HSD17B7: variants seen among roughly 807,000 people sequenced by gnomAD.
HSD17B7 encodes hydroxysteroid 17-beta dehydrogenase 7.
Under a neutral mutation model 34.1 loss-of-function variants are expected in HSD17B7, and 17 were observed. That is an observed-to-expected ratio of 0.50 (90% CI 0.34 to 0.75). The LOEUF is 0.75. Among genes scored for constraint, HSD17B7 ranks in the 30% least tolerant of loss-of-function variants. HSD17B7 has a pLI of 0.01. For missense variants in HSD17B7, 296 were observed against 406.6 expected, an observed-to-expected ratio of 0.73 and a Z score of 2.34; for synonymous variants, 122 against 154.6, an observed-to-expected ratio of 0.79 and a Z score of 1.56.
intron 2 of HSD17B7, among the ~76,000 whole-genome samples, chr1:162,794,935 T>C (rs575770607): frequency 6.6e-6 from 1 of 152,210 alleles, no homozygotes; most frequent in South Asian, 2.1e-4. Flanking sequence ...GCAGTGAGGC[T>C]GTGGGGCAGA....
intron 4 of HSD17B7, 132 bp downstream of exon 4, chr1:162,798,048 A>G: frequency 7.2e-7 from 1 of 1,389,504 alleles, no homozygotes; most frequent in Non-Finnish European, 9.4e-7. Flanking sequence ...TCTTGATTGC[A>G]TTTGCCTTGT....
chr1:162,808,930 T>C (rs1186916221), intron 8 of HSD17B7, among the ~76,000 whole-genome samples: 1 of 152,196 alleles, frequency 6.6e-6, no homozygotes, highest in Non-Finnish European at 1.5e-5. Context: ...ACAATTTGAC[T>C]TCCTTTTTTC....
intron 2 of HSD17B7, among the ~76,000 whole-genome samples, chr1:162,794,318 T>G (rs1303006976): frequency 6.6e-6 from 1 of 152,130 alleles, no homozygotes; most frequent in Non-Finnish European, 1.5e-5. Flanking sequence ...TTGATAATCA[T>G]TTGCATTTGC....
chr1:162,810,459 A>G (rs918840925), intron 8 of HSD17B7, among the ~76,000 whole-genome samples: 9 of 152,228 alleles, frequency 5.9e-5, no homozygotes, highest in Non-Finnish European at 8.8e-5. Flanking sequence ...GTAGATGTCT[A>G]TTAGGTCTGA....
intron 3 of HSD17B7, 103 bp downstream of exon 3, chr1:162,796,780 T>C: frequency 2.7e-6 from 2 of 749,990 alleles, no homozygotes; most frequent in Non-Finnish European, 4.8e-6. Flanking sequence ...TAAGGGGTTG[T>C]TGAAAAGGTT....
At position 162,792,694 on chromosome 1, in the gene HSD17B7, C is replaced by T. The variant is rs373109770; in HGVS notation, c.71C>T (p.Ala24Val). Residue 24 changes from alanine to valine, a missense_variant, in exon 2 of 9, where the codon GCG becomes GTG. Coordinates refer to ENST00000254521, the MANE Select transcript of HSD17B7 (RefSeq NM_016371.4). Reference protein sequence around the residue: ...IGLALCKRLLAEDDELHLCLA... With the variant: ...IGLALCKRLLVEDDELHLCLA... ...CTGGCCCTCTGCAAGCGGCTGCTGG[C>T]GGAAGATGATGAGCTTCATCTGTGT... is the stretch of plus-strand genomic sequence containing the variant. 1.6e-4 allele frequency: 258 copies of T among 1,613,768 alleles called. No individual in the cohort carries two copies. Among genetic ancestry groups the T allele is most frequent in the Non-Finnish European group, 2.1e-4 (243 of 1,179,892 alleles).
At chr1:162,808,781 G>A (rs1465260872) in intron 8 of HSD17B7, among the ~76,000 whole-genome samples, 1 of 152,124 alleles carries the variant, frequency 6.6e-6, no homozygotes, top group East Asian at 1.9e-4. Context: ...TCTGTTATTG[G>A]TGTATAAGAA....
Position 162,799,857 on chromosome 1 carries a change from A to G in HSD17B7, c.562A>G (p.Lys188Glu). The G allele has an allele frequency of 1.9e-6, 3 of 1,614,128 alleles. No homozygotes were observed. The highest frequency in any genetic ancestry group is 2.5e-6 in the Non-Finnish European group (3 of 1,179,982). The change falls in exon 5 of 9, where the codon AAA becomes GAA. Residue 188 changes from lysine (K) to glutamate (E), a missense_variant. By Grantham distance (56) the Lys-to-Glu change is moderately conservative (BLOSUM62 1). Transcript: ENST00000254521. Reference protein sequence around the residue: ...NFSLEDFQHSKGKEPYSSSKY... With the variant: ...NFSLEDFQHSEGKEPYSSSKY... ...CAGCCTCGAGGACTTCCAGCACAGC[A>G]AAGGCAAGGAACCCTACAGCTCTTC...
intron 2 of HSD17B7, among the ~76,000 whole-genome samples, chr1:162,795,247 G>A (rs1648565105): frequency 6.6e-6 from 1 of 152,156 alleles, no homozygotes; most frequent in African/African-American, 2.4e-5. Context: ...GGCTCAAGTA[G>A]CACCATCCCT....
intron 8 of HSD17B7, among the ~76,000 whole-genome samples, chr1:162,806,827 A>G (rs1648994796): frequency 6.6e-6 from 1 of 152,210 alleles, no homozygotes; most frequent in African/African-American, 2.4e-5. Flanking sequence ...TGAAGAAAGT[A>G]TTTTAACCTT....
intron 1 of HSD17B7, among the ~76,000 whole-genome samples, chr1:162,792,132 A>G (rs775270788): frequency 1.6e-4 from 24 of 152,162 alleles, no homozygotes; most frequent in Non-Finnish European, 3.2e-4. Flanking sequence ...ACATCCTGCC[A>G]TGTTACTGAT....
chr1:162,793,029 TTC>T, intron 2 of HSD17B7, 167 bp downstream of exon 2: 2 of 471,390 alleles, frequency 4.2e-6, no homozygotes, highest in Admixed American at 5.1e-5. Flanking sequence ...CACGTTTTCT[TTC>T]TTTTTTTTTT....
intron 2 of HSD17B7, 68 bp from the exon 3 acceptor site, chr1:162,796,517 A>G: frequency 1.2e-5 from 12 of 960,604 alleles, no homozygotes; most frequent in South Asian, 2.7e-5. Context: ...CTCTAGAGAT[A>G]GAATACACAA....
intron 2 of HSD17B7, 127 bp downstream of exon 2, chr1:162,792,989 T>A: frequency 1.2e-6 from 1 of 838,888 alleles, no homozygotes; most frequent in African/African-American, 1.7e-5. Flanking sequence ...TGAGGAAGTC[T>A]GTATAGGGTG....
chr1:162,792,876 T>C lies in HSD17B7; in HGVS notation c.239+14T>C, dbSNP rs749657109. The C allele has an allele frequency of 6.8e-6, 11 of 1,613,194 alleles. No homozygotes were observed. Among genetic ancestry groups the C allele is most frequent in the Middle Eastern group, 1.6e-4 (1 of 6,082 alleles). ...ACTTAAGCAAAGGTATATCTCTTGC[T>C]GATGGATTTTTTTTCTCATGTGATT... On this transcript the variant is annotated intron_variant, in intron 2 of 8. Coordinates refer to ENST00000254521, the MANE Select transcript of HSD17B7 (RefSeq NM_016371.4).
Position 162,799,315 on chromosome 1 carries a change from T to C in HSD17B7, c.448-428T>C, listed in dbSNP as rs1648728810. Among the ~76,000 whole-genome samples the C allele has an allele frequency of 2.0e-5, 3 of 152,212 alleles. No individual in the cohort carries two copies. In the South Asian group the frequency reaches 6.2e-4, roughly 31 times the overall value. On this transcript the variant is annotated intron_variant, in intron 4 of 8. Coordinates refer to ENST00000254521, the MANE Select transcript of HSD17B7 (RefSeq NM_016371.4). Reference sequence around the variant, plus strand: ...TTGGCACACCCCCATTGTTATGGTTTTCTCTTTTTGTTTTAGCTTTCGTTT... The same window carrying C: ...TTGGCACACCCCCATTGTTATGGTTCTCTCTTTTTGTTTTAGCTTTCGTTT...
At chr1:162,811,273 G>A (rs1453293522) in intron 8 of HSD17B7, among the ~76,000 whole-genome samples, 3 of 152,074 alleles carry the variant, frequency 2.0e-5, no homozygotes, top group Non-Finnish European at 4.4e-5. Flanking sequence ...GTTGAATATC[G>A]GCCCCCACTC....
chr1:162,809,554 C>T (rs544180072), intron 8 of HSD17B7, among the ~76,000 whole-genome samples: 47 of 151,750 alleles, frequency 3.1e-4, no homozygotes, highest in Non-Finnish European at 6.0e-4. Flanking sequence ...GTACCATCTC[C>T]TTGTACCTCT....
intron 8 of HSD17B7, 101 bp from the exon 9 acceptor site, chr1:162,812,197 T>G: frequency 4.2e-6 from 6 of 1,416,630 alleles, no homozygotes; most frequent in Non-Finnish European, 5.6e-6. Flanking sequence ...TCCTGCTGCC[T>G]CCTTTCTTTT....
Sources: allele counts gnomAD v4.1 joint callset (sites outside exome capture counted in the v4.1 genomes callset), GRCh38; gene constraint gnomAD v4.1.1; transcripts MANE v1.5; gene names NCBI Gene and HGNC (gene_info 2026-07-23, HGNC 2026-07-21).